The following INPP5B variants were observed in gnomAD, a reference collection of about 807,000 sequenced individuals.
INPP5B encodes the protein type II inositol 1,4,5-trisphosphate 5-phosphatase.
A neutral mutation model predicts 118.5 loss-of-function variants in INPP5B; 90 were observed. The observed-to-expected ratio is 0.76, with a 90% confidence interval of 0.64 to 0.90. The LOEUF is 0.90. INPP5B is among the 40% of genes least tolerant of loss of function. INPP5B has a pLI of 0.00. For missense variants in INPP5B, 984 were observed against 1,125.6 expected, an observed-to-expected ratio of 0.87 and a Z score of 1.80; for synonymous variants, 385 against 418.9, an observed-to-expected ratio of 0.92 and a Z score of 0.99.
intron 1 of INPP5B, among the ~76,000 whole-genome samples, chr1:37,946,589 A>T (rs953689556): frequency 6.6e-6 from 1 of 152,062 alleles, no homozygotes; most frequent in Non-Finnish European, 1.5e-5. Flanking sequence ...GAGGGCATCC[A>T]GTTGCTCTTG....
At chr1:37,913,323 A>G (rs1185023227) in intron 7 of INPP5B, among the ~76,000 whole-genome samples, 1 of 150,120 alleles carries the variant, frequency 6.7e-6, no homozygotes, top group Non-Finnish European at 1.5e-5. Context: ...ACCTAAATCA[A>G]TCTGGCCTGG....
intron 9 of INPP5B, among the ~76,000 whole-genome samples, chr1:37,889,023 C>T (rs1316329414): frequency 1.3e-5 from 2 of 152,096 alleles, no homozygotes; most frequent in East Asian, 1.9e-4. Flanking sequence ...GAGGCCAAGG[C>T]GGGAGGATTG....
intron 17 of INPP5B, 121 bp from the exon 18 acceptor site, chr1:37,874,276 G>T: frequency 1.5e-6 from 1 of 672,600 alleles, no homozygotes. Flanking sequence ...AAATGTTTCT[G>T]CTTTAAGTAT....
In INPP5B at chr1:37,919,945, A is replaced by AAAAC. The variant is rs201970632; in HGVS notation, c.532+11964_532+11967dup. On this transcript the variant is annotated intron_variant, in intron 7 of 23. Transcript: ENST00000373024. ...CAACACAGCAAGACTACATCTTAAA[A>AAAAC]AAACAAACAAACAAACAAACAAAAA... Among the ~76,000 whole-genome samples, 231 of 152,320 alleles carry AAAAC rather than the reference A, an allele frequency of 1.5e-3. 7 individuals are homozygous for AAAAC. In the East Asian group the frequency reaches 0.034, roughly 22 times the overall value.
At chr1:37,870,032 A>C (rs1642314141) in intron 19 of INPP5B, 1 of 152,114 alleles carries the variant, frequency 6.6e-6, no homozygotes, top group Non-Finnish European at 1.5e-5. Flanking sequence ...TGATGATTTA[A>C]AAAAAAACAA....
intron 7 of INPP5B, among the ~76,000 whole-genome samples, chr1:37,896,764 G>A (rs1197939495): frequency 1.2e-4 from 16 of 132,514 alleles, no homozygotes; most frequent in African/African-American, 4.4e-4. Context: ...GCCCCGTCCC[G>A]GAGGGAGGGA....
In INPP5B at chr1:37,943,914, T is replaced by C. The variant is rs1341236042; in HGVS notation, c.153-21A>G. ...AGAGACTAAGGGCAGGAAGCAGAGG[T>C]GAGGATGGGGGCCCGCTGGCTGTCC... On this transcript the variant is annotated intron_variant, in intron 3 of 23. Coordinates refer to ENST00000373024, the MANE Select transcript of INPP5B (RefSeq NM_005540.3). 2.5e-6 allele frequency: 4 copies of C among 1,581,532 alleles called. No homozygotes were observed. In the African/African-American group the frequency reaches 5.4e-5, roughly 21 times the overall value.
intron 6 of INPP5B, 106 bp downstream of exon 6, chr1:37,940,582 C>A: frequency 1.5e-6 from 1 of 674,408 alleles, no homozygotes; most frequent in Admixed American, 2.6e-5. Flanking sequence ...TTCGAAAGGA[C>A]ACAGAAACCA....
chr1:37,920,927 A>G (rs974108326), intron 7 of INPP5B, among the ~76,000 whole-genome samples: 2 of 152,096 alleles, frequency 1.3e-5, no homozygotes, highest in African/African-American at 4.8e-5. Context: ...TAACACAGTG[A>G]AACCCTGTCT....
At chr1:37,923,906 G>A (rs556671649) in intron 7 of INPP5B, among the ~76,000 whole-genome samples, 1 of 151,900 alleles carries the variant, frequency 6.6e-6, no homozygotes, top group Non-Finnish European at 1.5e-5. Context: ...TTCCCAAGTG[G>A]CACGCAGATT....
At chr1:37,893,085 C>CTTTTTTTTTTTT (rs71053999) in intron 7 of INPP5B, among the ~76,000 whole-genome samples, 7 of 81,432 alleles carry the variant, frequency 8.6e-5, no homozygotes, top group African/African-American at 1.8e-4. Context: ...TTTTCTTTTT[C>CTTTTTTTTTTTT]TTTTTTTTTT....
At chr1:37,866,849 A>C (rs555379274) in intron 20 of INPP5B, among the ~76,000 whole-genome samples, 1 of 152,316 alleles carries the variant, frequency 6.6e-6, no homozygotes, top group East Asian at 1.9e-4. Context: ...GTATAGAGGG[A>C]TTACCCAGGG....
chr1:37,915,702 AT>A (rs1245632503), intron 7 of INPP5B, among the ~76,000 whole-genome samples: 1 of 152,206 alleles, frequency 6.6e-6, no homozygotes, highest in African/African-American at 2.4e-5. Flanking sequence ...GCACAGCAAA[AT>A]GTTAACAGTA....
chr1:37,937,008 G>A (rs559362215), intron 6 of INPP5B, among the ~76,000 whole-genome samples: 3 of 152,050 alleles, frequency 2.0e-5, no homozygotes, highest in South Asian at 2.1e-4. Flanking sequence ...TTGTAAGATC[G>A]TGGTAAAGAG....
intron 5 of INPP5B, 145 bp downstream of exon 5, chr1:37,943,495 C>T (rs1187503067): frequency 1.2e-5 from 9 of 766,488 alleles, no homozygotes; most frequent in African/African-American, 5.3e-5. Flanking sequence ...GATGAGCCCA[C>T]GGAGATGGGC....
intron 7 of INPP5B, chr1:37,929,234 C>T (rs1490207779): frequency 6.6e-6 from 1 of 152,140 alleles, no homozygotes; most frequent in Non-Finnish European, 1.5e-5. Context: ...ATTCTCCTAC[C>T]TCAGCTTCCC....
At position 37,888,315 on chromosome 1, in the gene INPP5B, C is replaced by T; in HGVS notation, c.827G>A (p.Gly276Glu). The T allele has an allele frequency of 1.9e-6, 3 of 1,566,736 alleles. No individual in the cohort carries two copies. The South Asian group carries it at 3.6e-5, about 19-fold the overall frequency. Reference sequence around the variant, plus strand: ...CCGGAGGCATTCTTTGGGGGACTGCCCATTTACATTGTATGTTCCCGCAAA... The same window carrying T: ...CCGGAGGCATTCTTTGGGGGACTGCTCATTTACATTGTATGTTCCCGCAAA... ...RFFAGTYNVN[G>E]QSPKECLRLW... The change falls in exon 10 of 24, where the codon GGG (glycine) becomes GAG (glutamate). Residue 276 changes from glycine to glutamate, a missense_variant. Physicochemically the swap from Gly to Glu is moderately conservative, Grantham distance 98 (BLOSUM62 -2). Transcript: ENST00000373024.
chr1:37,886,856 C>T (rs773672466), intron 12 of INPP5B, 32 bp downstream of exon 12: 2 of 1,539,866 alleles, frequency 1.3e-6, no homozygotes, highest in Non-Finnish European at 1.8e-6. Flanking sequence ...CTAAGGTCCT[C>T]AATGTGCCAA....
At chr1:37,939,066 C>T (rs765819384) in intron 6 of INPP5B, among the ~76,000 whole-genome samples, 1 of 151,840 alleles carries the variant, frequency 6.6e-6, no homozygotes, top group Non-Finnish European at 1.5e-5. Flanking sequence ...TGGTGGTGGG[C>T]GCCAGTAATC....
Sources: allele counts gnomAD v4.1 joint callset (sites outside exome capture counted in the v4.1 genomes callset), GRCh38; gene constraint gnomAD v4.1.1; transcripts MANE v1.5; gene names NCBI Gene and HGNC (gene_info 2026-07-23, HGNC 2026-07-21).